Variants in NDUFAF7 observed in about 807,000 individuals in gnomAD.
NDUFAF7 encodes protein arginine methyltransferase NDUFAF7, mitochondrial.
In NDUFAF7, 48 loss-of-function variants were observed where a neutral mutation model predicts 47.2. The observed-to-expected ratio is 1.02, with a 90% CI of 0.81 to 1.29. The LOEUF (loss-of-function observed/expected upper bound fraction) is 1.29. Among genes scored for constraint, NDUFAF7 ranks in the 50% most tolerant of loss-of-function variants. NDUFAF7 has a pLI of 0.00. For synonymous variants in NDUFAF7, 217 were observed against 190.0 expected (o/e 1.14, Z -1.17); for missense variants, 635 against 537.6 (o/e 1.18, Z -1.79).
At chr2:37,269,531 G>C in the NDUFAF7 span, 1 of 1,224,078 alleles carries the variant, frequency 8.2e-7, no homozygotes, top group African/African-American at 1.5e-5. Context: ...AAAACTATGA[G>C]ATGACAAAAC....
At chr2:37,236,354 G>A (rs1665751759) in intron 3 of NDUFAF7, among the ~76,000 whole-genome samples, 178 bp downstream of exon 3, 1 of 152,102 alleles carries the variant, frequency 6.6e-6, no homozygotes, top group Admixed American at 6.6e-5. Context: ...AAATGGTAGA[G>A]AGAATATTTG....
chr2:37,251,600 C>T (rs1475736135), downstream of NDUFAF7: 1 of 152,186 alleles, frequency 6.6e-6, no homozygotes, highest in Non-Finnish European at 1.5e-5. Context: ...TCAGTCTGTT[C>T]ATGTACCAGA....
rs376409267 is a variant in NDUFAF7, at chr2:37,243,366, C to T, written c.682-497C>T. Among the ~76,000 whole-genome samples, 4 of 152,200 alleles carry T rather than the reference C, an allele frequency of 2.6e-5. No individual in the cohort carries two copies. In the East Asian group the frequency reaches 5.8e-4, roughly 22 times the overall value. On this transcript the variant is annotated intron_variant, in intron 6 of 9. Coordinates refer to ENST00000002125, the MANE Select transcript of NDUFAF7 (RefSeq NM_144736.5). ...ACTAGGGAGGCTGAGGCATGAGAATCACTTGAACCCAGGAGGCAGAGGTTG... is the reference window on the plus strand; with the variant it reads ...ACTAGGGAGGCTGAGGCATGAGAATTACTTGAACCCAGGAGGCAGAGGTTG...
At chr2:37,271,066 A>G in the NDUFAF7 span, among the ~76,000 whole-genome samples, 2 of 152,240 alleles carry the variant, frequency 1.3e-5, no homozygotes, top group South Asian at 2.1e-4. Flanking sequence ...TCTATCTCCA[A>G]TAACACTACT....
At chr2:37,244,791 T>C (rs181913700) in intron 7 of NDUFAF7, among the ~76,000 whole-genome samples, 9 of 152,304 alleles carry the variant, frequency 5.9e-5, no homozygotes, top group Admixed American at 4.6e-4. Context: ...TGAACACTTA[T>C]GAACACCTGT....
chr2:37,249,914 T>C (rs1334115885), downstream of NDUFAF7, among the ~76,000 whole-genome samples: 1 of 151,946 alleles, frequency 6.6e-6, no homozygotes, highest in Admixed American at 6.6e-5. Flanking sequence ...TTGCTTTTTA[T>C]TGCTGCTTCT....
At chr2:37,246,690 A>G (rs1666946235) in intron 8 of NDUFAF7, among the ~76,000 whole-genome samples, 2 of 152,158 alleles carry the variant, frequency 1.3e-5, no homozygotes, top group African/African-American at 2.4e-5. Context: ...TCTATTCAAT[A>G]TACTTTAATT....
chr2:37,249,211 T>G (rs964965571), downstream of NDUFAF7: 1 of 152,118 alleles, frequency 6.6e-6, no homozygotes, highest in Non-Finnish European at 1.5e-5. Flanking sequence ...GCATACAAAG[T>G]AAGGAATGAA....
Position 37,249,051 on chromosome 2 carries a change from T to C in NDUFAF7, c.*701T>C, listed in dbSNP as rs1667240811. 6.6e-6 allele frequency: 1 copy of C among 152,302 alleles called. No homozygotes were observed. The highest frequency in any genetic ancestry group is 6.5e-5 in the Admixed American group (1 of 15,292). The allele number at this position is 152,302 out of a possible 1,614,324, so 9.4% of individuals were successfully genotyped here. A position where few individuals can be genotyped will look rare whatever the true frequency, so the allele number is the denominator to read the frequency against. On this transcript the variant is annotated 3_prime_UTR_variant, in exon 10 of 10. Coordinates refer to ENST00000002125, the MANE Select transcript of NDUFAF7 (RefSeq NM_144736.5). ...GGCAATATGTTTTGACAGAAAACTC[T>C]CTAAGATTTAGTAAGTGAAAAAAAG...
At chr2:37,249,852 T>C (rs186196357), downstream of NDUFAF7, among the ~76,000 whole-genome samples, 327 of 152,130 alleles carry the variant, frequency 2.1e-3, no homozygotes, top group Non-Finnish European at 3.5e-3. Context: ...TCCCTTGATG[T>C]CTTGAATTTA....
chr2:37,243,665 C>G (rs1666597312), intron 6 of NDUFAF7, among the ~76,000 whole-genome samples, 198 bp from the exon 7 acceptor site: 1 of 152,094 alleles, frequency 6.6e-6, no homozygotes, highest in South Asian at 2.1e-4. Flanking sequence ...AGCGTCATCT[C>G]TGTTATTGTT....
the NDUFAF7 span, chr2:37,269,710 T>C: frequency 6.6e-7 from 1 of 1,514,658 alleles, no homozygotes; most frequent in African/African-American, 1.4e-5. Context: ...AGTAAGGAGT[T>C]AGTATTATTT....
At chr2:37,264,958 T>C in the NDUFAF7 span, among the ~76,000 whole-genome samples, 1 of 152,294 alleles carries the variant, frequency 6.6e-6, no homozygotes, top group South Asian at 2.1e-4. Context: ...AGTGATCCTG[T>C]GATTTTTCCT....
the NDUFAF7 span, among the ~76,000 whole-genome samples, chr2:37,261,842 TGTAGAATGGTACAAAAGTG>T: frequency 6.0e-4 from 91 of 152,344 alleles, no homozygotes; most frequent in Admixed American, 1.6e-3. Context: ...ATTTTTCAAC[TGTAGAATGGTACAAAAGTG>T]GTATGCATTC....
the NDUFAF7 span, chr2:37,259,664 C>G: frequency 1.9e-6 from 3 of 1,611,330 alleles, no homozygotes; most frequent in African/African-American, 2.7e-5. Flanking sequence ...AATGCAGATT[C>G]CTCAAAGCAA....
chr2:37,269,595 A>G, the NDUFAF7 span: 3 of 1,590,742 alleles, frequency 1.9e-6, no homozygotes, highest in African/African-American at 4.0e-5. Flanking sequence ...TACAATATGC[A>G]AACGGCTGTA....
In NDUFAF7 at chr2:37,232,163, A is replaced by T. The variant is rs1202469054; in HGVS notation, c.113A>T (p.Asn38Ile). ...AGCTCCGGGAATGAGCCTGCAGAAA[A>T]CCCGGTGACGCCGATGCTGCGGCAT... The part of the protein sequence containing the change: ...YFSSGNEPAE[N>I]PVTPMLRHLM... The change falls in exon 2 of 10, where the codon AAC (asparagine) becomes ATC (isoleucine). Residue 38 changes from asparagine (N) to isoleucine (I), a missense_variant. By Grantham distance (149) the Asn-to-Ile change is moderately radical. Coordinates refer to ENST00000002125, the MANE Select transcript of NDUFAF7 (RefSeq NM_144736.5). The T allele has an allele frequency of 6.2e-7, 1 of 1,613,888 alleles. No homozygotes were observed. The highest frequency in any genetic ancestry group is 8.5e-7 in the Non-Finnish European group (1 of 1,179,958).
the NDUFAF7 span, chr2:37,269,731 T>C: frequency 1.5e-6 from 2 of 1,363,992 alleles, no homozygotes; most frequent in African/African-American, 1.4e-5. Flanking sequence ...ATTTCTATAA[T>C]ACAATGTCAA....
At chr2:37,247,419 C>T (rs139699851) in intron 8 of NDUFAF7, 37 bp from the exon 9 acceptor site, 2 of 1,611,608 alleles carry the variant, frequency 1.2e-6, no homozygotes, top group Non-Finnish European at 1.7e-6. Flanking sequence ...TCTTAATAAC[C>T]ATAAAAGGGC....
Sources: allele counts gnomAD v4.1 joint callset (sites outside exome capture counted in the v4.1 genomes callset), GRCh38; gene constraint gnomAD v4.1.1; transcripts MANE v1.5; gene names NCBI Gene and HGNC (gene_info 2026-07-23, HGNC 2026-07-21).